PLEKHM1: variants seen among roughly 807,000 people sequenced by gnomAD.
PLEKHM1 encodes pleckstrin homology and RUN domain containing M1.
PLEKHM1 carries 28 observed loss-of-function variants against 94.3 expected under a neutral mutation model. The observed-to-expected ratio is 0.30, with a 90% confidence interval of 0.22 to 0.41. PLEKHM1 has a LOEUF of 0.41. Ranked by LOEUF, PLEKHM1 falls within the 10% of genes least tolerant of loss-of-function variation. The pLI is 1.00. For synonymous variants in PLEKHM1, 424 were observed against 581.2 expected, an observed-to-expected ratio of 0.73 and a Z score of 3.89; for missense variants, 907 against 1,358.6, an observed-to-expected ratio of 0.67 and a Z score of 5.22.
intron 1 of PLEKHM1, among the ~76,000 whole-genome samples, chr17:45,483,184 C>T (rs904807091): frequency 3.9e-5 from 6 of 151,982 alleles, no homozygotes; most frequent in Non-Finnish European, 7.4e-5. Context: ...CAGTTTGCCA[C>T]TAACCAGGTA....
intron 4 of PLEKHM1, 59 bp downstream of exon 4, chr17:45,475,041 G>A: frequency 6.3e-7 from 1 of 1,576,476 alleles, no homozygotes. Context: ...AAAGGGAGGA[G>A]GAGAGGAAAG....
chr17:45,454,118 C>A lies in PLEKHM1; in HGVS notation c.1734G>T (p.Ser578=). 1 of 1,614,206 alleles carries A rather than the reference C, an allele frequency of 6.2e-7. No homozygotes were observed. Among genetic ancestry groups the A allele is most frequent in the Non-Finnish European group, 8.5e-7 (1 of 1,180,052 alleles). The change falls in exon 7 of 12, where the codon TCG becomes TCT. Residue 578 remains serine, a synonymous_variant. Transcript: ENST00000430334. The part of the protein sequence containing the change: ...NEEHTCVENC[S]LLRCESVGPA... ...GCCCCACAGACTCACAGCGAAGCAGCGAGCAGTTCTCCACACAGGTGTGCT... is the reference window on the plus strand; with the variant it reads ...GCCCCACAGACTCACAGCGAAGCAGAGAGCAGTTCTCCACACAGGTGTGCT...
Position 45,437,405 on chromosome 17 carries a change from G to A in PLEKHM1, c.*453C>T. On this transcript the variant is annotated 3_prime_UTR_variant, in exon 12 of 12. Coordinates refer to ENST00000430334, the MANE Select transcript of PLEKHM1 (RefSeq NM_014798.3). This position sits in a 1 kb window ranked among gnomAD's most constrained non-coding sequence, Gnocchi z 4.0. ...GGGTGAGAATGTCTGGATTTCATGG[G>A]TGACTCACGTAGGGTCAAGAATAAA... is the stretch of plus-strand genomic sequence containing the variant. 1 of 454,740 alleles carries A rather than the reference G, an allele frequency of 2.2e-6. No individual in the cohort carries two copies. Among genetic ancestry groups the A allele is most frequent in the Non-Finnish European group, 4.4e-6 (1 of 227,192 alleles). The allele number at this position is 454,740 out of a possible 1,614,324, so 28.2% of individuals were successfully genotyped here. A position where few individuals can be genotyped will look rare whatever the true frequency, so the allele number is the denominator to read the frequency against.
chr17:45,452,092 G>T (rs2145209513), intron 7 of PLEKHM1, among the ~76,000 whole-genome samples: 1 of 152,266 alleles, frequency 6.6e-6, no homozygotes, highest in South Asian at 2.1e-4. Flanking sequence ...TCTGCAGCAG[G>T]ACAACCCCCT....
In PLEKHM1 at chr17:45,453,718, A is replaced by G. The variant is rs768886144; in HGVS notation, c.2134T>C (p.Cys712Arg). 1 of 1,613,856 alleles carries G rather than the reference A, an allele frequency of 6.2e-7. No homozygotes were observed. Among genetic ancestry groups the G allele is most frequent in the Non-Finnish European group, 8.5e-7 (1 of 1,179,834 alleles). The part of the protein sequence containing the change: ...IFSLSLEALK[C>R]FRIRNNEKML... ...TTCTCATTGTTCCTGATGCGGAAAC[A>G]TTTCAGAGCCTCCAAGGACAGAGAA... The change falls in exon 7 of 12, where the codon TGT becomes CGT. Residue 712 changes from cysteine (C) to arginine (R), a missense_variant. Around this residue, in one of 3 missense-constraint regions of PLEKHM1, gnomAD observed 477 missense variants for 601.5 expected, o/e 0.79. Coordinates refer to ENST00000430334, the MANE Select transcript of PLEKHM1 (RefSeq NM_014798.3). This position sits in a 1 kb window ranked among gnomAD's most constrained non-coding sequence, Gnocchi z 4.1.
chr17:45,446,038 AG>A (rs2050596237), intron 8 of PLEKHM1: 2 of 368,974 alleles, frequency 5.4e-6, no homozygotes, highest in African/African-American at 4.1e-5. Context: ...TGAAGGAAAC[AG>A]GCACTCCCTT....
chr17:45,441,645 G>T (rs534427969), intron 9 of PLEKHM1, among the ~76,000 whole-genome samples: 1 of 152,300 alleles, frequency 6.6e-6, no homozygotes, highest in African/African-American at 2.4e-5. Flanking sequence ...TCTCAGCAAG[G>T]ACTTGGAAGT....
intron 11 of PLEKHM1, among the ~76,000 whole-genome samples, chr17:45,438,508 G>T (rs528067946): frequency 1.3e-5 from 2 of 151,436 alleles, no homozygotes; most frequent in East Asian, 3.9e-4. Context: ...CTCCAGCCTG[G>T]GCGACAGAGC....
At position 45,437,904 on chromosome 17, in the gene PLEKHM1, C is replaced by G. The variant is rs759260422; in HGVS notation, c.3125G>C (p.Arg1042Pro). 1.5e-5 allele frequency: 25 copies of G among 1,613,910 alleles called. No homozygotes were observed. The highest frequency in any genetic ancestry group is 1.9e-5 in the Non-Finnish European group (23 of 1,180,026). ...CQAVVKKGCP[R>P]CARRRKYQEQ... The stretch of plus-strand genomic sequence containing the variant: ...CTGGTACTTGCGCCGGCGGGCACAG[C>G]GGGGGCAGCCCTTCTTCACCACAGC... Residue 1042 changes from arginine to proline, a missense_variant, in exon 12 of 12, where the codon CGC (arginine) becomes CCC (proline). Physicochemically the swap from Arg to Pro is moderately radical, Grantham distance 103. Around this residue, in one of 3 missense-constraint regions of PLEKHM1, gnomAD observed 254 missense variants for 451.1 expected, o/e 0.56. Coordinates refer to ENST00000430334, the MANE Select transcript of PLEKHM1 (RefSeq NM_014798.3). This position sits in a 1 kb window ranked among gnomAD's most constrained non-coding sequence, Gnocchi z 4.0.
intron 5 of PLEKHM1, among the ~76,000 whole-genome samples, chr17:45,459,068 C>A (rs1212093077): frequency 6.6e-6 from 1 of 152,016 alleles, no homozygotes; most frequent in Non-Finnish European, 1.5e-5. Context: ...GTCAAGGCTG[C>A]AGTGAGCCGT....
intron 5 of PLEKHM1, among the ~76,000 whole-genome samples, chr17:45,461,511 T>C (rs906874698): frequency 1.2e-4 from 18 of 152,234 alleles, no homozygotes; most frequent in Non-Finnish European, 1.9e-4. Flanking sequence ...AAGAGCTGTA[T>C]AGTTTTAGCT....
intron 9 of PLEKHM1, among the ~76,000 whole-genome samples, chr17:45,442,000 G>A (rs1185716899): frequency 6.6e-6 from 1 of 152,168 alleles, no homozygotes; most frequent in Non-Finnish European, 1.5e-5. Context: ...TGGGGGGCCT[G>A]GGTGCCACCT....
intron 4 of PLEKHM1, among the ~76,000 whole-genome samples, chr17:45,474,828 G>A (rs146049394): frequency 1.1e-3 from 165 of 152,224 alleles, no homozygotes; most frequent in African/African-American, 3.3e-3. Context: ...CACCGCACCC[G>A]GCCAAGTAAC....
At chr17:45,486,248 A>C (rs1036924662) in intron 1 of PLEKHM1, among the ~76,000 whole-genome samples, 17 of 148,184 alleles carry the variant, frequency 1.1e-4, no homozygotes, top group Admixed American at 6.1e-4. Flanking sequence ...AAAAATAATA[A>C]TAATAATAAT....
In PLEKHM1 at chr17:45,437,216, G is replaced by T. The variant is rs2050288022; in HGVS notation, c.*642C>A. The T allele has an allele frequency of 4.4e-6, 2 of 452,858 alleles. No individual in the cohort carries two copies. Among genetic ancestry groups the T allele is most frequent in the Non-Finnish European group, 8.9e-6 (2 of 225,584 alleles). 28.1% of individuals were successfully genotyped at this position (452,858 alleles called of 1,614,324 possible). A position where few individuals can be genotyped will look rare whatever the true frequency, so the allele number is the denominator to read the frequency against. Reference sequence around the variant, plus strand: ...GTAAAGAGGACACAGAGGAACCGGGGTCGCCAGGACTGGCCCTGCCCTGCT... The same window carrying T: ...GTAAAGAGGACACAGAGGAACCGGGTTCGCCAGGACTGGCCCTGCCCTGCT... On this transcript the variant is annotated 3_prime_UTR_variant, in exon 12 of 12. Transcript: ENST00000430334. This position sits in a 1 kb window ranked among gnomAD's most constrained non-coding sequence, Gnocchi z 4.0.
At chr17:45,440,334 G>C in intron 9 of PLEKHM1, 108 bp from the exon 10 acceptor site, 1 of 1,118,104 alleles carries the variant, frequency 8.9e-7, no homozygotes, top group African/African-American at 1.5e-5. Flanking sequence ...GACACCCCCC[G>C]CCTGGGCGGG....
At chr17:45,457,239 C>T (rs1442320331) in intron 6 of PLEKHM1, among the ~76,000 whole-genome samples, 2 of 150,496 alleles carry the variant, frequency 1.3e-5, no homozygotes, top group Admixed American at 1.3e-4. Flanking sequence ...TCCAGCCTGG[C>T]CAACATAGCA....
In PLEKHM1 at chr17:45,453,235, C is replaced by T. The variant is rs2050824809; in HGVS notation, c.2497+120G>A. ...GGGCAAGCCTGATCTGTGGCCTCAT[C>T]CCTAGGGGAAGGATGGGGGCATTTG... On this transcript the variant is annotated intron_variant, in intron 7 of 11. Transcript: ENST00000430334. The surrounding 1 kb of genome is among the most constrained non-coding windows in gnomAD (Gnocchi z 4.1). 6 of 769,528 alleles carry T rather than the reference C, an allele frequency of 7.8e-6. No homozygotes were observed. Among genetic ancestry groups the T allele is most frequent in the South Asian group, 3.0e-5 (2 of 67,758 alleles). 47.7% of individuals were successfully genotyped at this position (769,528 alleles called of 1,614,324 possible).
intron 5 of PLEKHM1, among the ~76,000 whole-genome samples, chr17:45,466,805 T>C (rs2051333679): frequency 6.6e-6 from 1 of 152,076 alleles, no homozygotes; most frequent in Non-Finnish European, 1.5e-5. Flanking sequence ...GCACAAACAC[T>C]TTAGAAAACT....
Sources: allele counts gnomAD v4.1 joint callset (sites outside exome capture counted in the v4.1 genomes callset), GRCh38; gene constraint gnomAD v4.1.1; regional missense constraint gnomAD v4.1.1; non-coding constraint Gnocchi (gnomAD v3.1); transcripts MANE v1.5; gene names NCBI Gene and HGNC (gene_info 2026-07-23, HGNC 2026-07-21).